The following ZNF429 variants were observed in gnomAD, a reference collection of about 807,000 sequenced individuals.
ZNF429 encodes zinc finger protein 429.
A neutral mutation model predicts 56.8 loss-of-function variants in ZNF429; 53 were observed. That is an observed-to-expected ratio of 0.93 (90% CI 0.75 to 1.17). The LOEUF (loss-of-function observed/expected upper bound fraction) is 1.17, where lower values mean the gene tolerates loss of function less well. ZNF429 is among the 50% of genes most tolerant of loss of function. The pLI, the probability that ZNF429 is intolerant of heterozygous loss-of-function variation, is 0.00. For missense variants in ZNF429, 849 were observed against 788.4 expected, an observed-to-expected ratio of 1.08 and a Z score of -0.92; for synonymous variants, 278 against 264.7, an observed-to-expected ratio of 1.05 and a Z score of -0.49.
chr19:21,524,466 T>C (rs977913272), intron 1 of ZNF429, among the ~76,000 whole-genome samples: 1 of 151,650 alleles, frequency 6.6e-6, no homozygotes, highest in Non-Finnish European at 1.5e-5. Flanking sequence ...AGGCGGAGGT[T>C]ACAGTGAGCT....
chr19:21,523,203 T>C (rs573452606), intron 1 of ZNF429, among the ~76,000 whole-genome samples: 1 of 152,314 alleles, frequency 6.6e-6, no homozygotes, highest in South Asian at 2.1e-4. Context: ...AGGTAACATC[T>C]GCTACTGCTA....
At chr19:21,530,004 A>AAC in intron 2 of ZNF429, among the ~76,000 whole-genome samples, 1 of 152,088 alleles carries the variant, frequency 6.6e-6, no homozygotes, top group Non-Finnish European at 1.5e-5. Context: ...ATCCTGGCTA[A>AAC]CACGGTGAAA....
Position 21,535,412 on chromosome 19 carries a change from TTTTCTTTC to T in ZNF429, c.227-789_227-782del. On this transcript the variant is annotated intron_variant, in intron 3 of 3. Coordinates refer to ENST00000358491, the MANE Select transcript of ZNF429 (RefSeq NM_001001415.4). ...TTCTTTCTTTCTTTCTTTCTTTTTC[TTTTCTTTC>T]TTTCTTTCTTTCTTTCTTTCTTTCT... 7.5e-3 allele frequency among the ~76,000 whole-genome samples: 413 copies of T among 55,266 alleles called. 11 individuals carry two copies. Among genetic ancestry groups the T allele is most frequent in the East Asian group, 0.028 (61 of 2,184 alleles). The allele number at this position is 55,266 out of a possible 152,430, so 36.3% of individuals were successfully genotyped here.
intron 3 of ZNF429, among the ~76,000 whole-genome samples, chr19:21,532,108 A>G: frequency 6.6e-6 from 1 of 152,284 alleles, no homozygotes; most frequent in Non-Finnish European, 1.5e-5. Context: ...AATTAAAAAT[A>G]TATCAATGAA....
rs1247033485 is a variant in ZNF429 at position 21,537,796 on chromosome 19, T to C, written c.1743T>C (p.Ser581=). 2.5e-6 allele frequency: 4 copies of C among 1,611,492 alleles called. No homozygotes were observed. Among genetic ancestry groups the C allele is most frequent in the Non-Finnish European group, 3.4e-6 (4 of 1,179,658 alleles). Residue 581 remains serine (S), a synonymous_variant, in exon 4 of 4, where the codon AGT becomes AGC. Coordinates refer to ENST00000358491, the MANE Select transcript of ZNF429 (RefSeq NM_001001415.4). Reference sequence around the variant, plus strand: ...CTTTTACCCACTCCTCAAACCTTAGTAGTCATAAGAAAATTCATAGTGGAG... The same window carrying C: ...CTTTTACCCACTCCTCAAACCTTAGCAGTCATAAGAAAATTCATAGTGGAG... ...DKAFTHSSNL[S]SHKKIHSGEK...
chr19:21,512,704 CTGTT>C (rs938930231), intron 1 of ZNF429, among the ~76,000 whole-genome samples: 18 of 147,108 alleles, frequency 1.2e-4, no homozygotes, highest in African/African-American at 4.2e-4. Context: ...AATGCCTTAA[CTGTT>C]TGGGAATGCA....
intron 1 of ZNF429, chr19:21,518,494 ATTGT>A: frequency 8.4e-6 from 1 of 119,628 alleles, no homozygotes; most frequent in Middle Eastern, 4.6e-3. Context: ...TCAGATGAAG[ATTGT>A]TTAATTTTCA....
At position 21,536,965 on chromosome 19, in the gene ZNF429, G is replaced by A; in HGVS notation, c.912G>A (p.Lys304=). ...FSISSTFTKH[K]IIHTEEKPYK... Reference sequence around the variant, plus strand: ...TATCCTCAACCTTTACTAAACATAAGATAATTCATACTGAAGAGAAACCCT... The same window carrying A: ...TATCCTCAACCTTTACTAAACATAAAATAATTCATACTGAAGAGAAACCCT... Residue 304 remains lysine (K), a synonymous_variant, in exon 4 of 4, where the codon AAG becomes AAA. Coordinates refer to ENST00000358491, the MANE Select transcript of ZNF429 (RefSeq NM_001001415.4). 1.2e-6 allele frequency: 2 copies of A among 1,613,588 alleles called. No homozygotes were observed. Among genetic ancestry groups the A allele is most frequent in the Non-Finnish European group, 8.5e-7 (1 of 1,179,870 alleles).
In ZNF429 at chr19:21,512,214, G is replaced by C. The variant is rs190493132; in HGVS notation, c.3+6440G>C. On this transcript the variant is annotated intron_variant, in intron 1 of 3. Coordinates refer to ENST00000358491, the MANE Select transcript of ZNF429 (RefSeq NM_001001415.4). ...GATATTGCATTGGCATTTGTAAACT[G>C]TTATGGCACTGATGGGAGTGTGGCA... 2.5e-3 allele frequency among the ~76,000 whole-genome samples: 386 copies of C among 152,250 alleles called. 6 individuals are homozygous for C. The highest frequency in any genetic ancestry group is 0.022 in the Admixed American group (344 of 15,296).
rs746728924 is a variant in ZNF429, at chr19:21,537,776, AC to A, written c.1726del (p.His576ThrfsTer108). 3.1e-6 allele frequency: 5 copies of A among 1,613,886 alleles called. No individual in the cohort carries two copies. Among genetic ancestry groups the A allele is most frequent in the Non-Finnish European group, 4.2e-6 (5 of 1,179,996 alleles). On this transcript the variant is annotated frameshift_variant, in exon 4 of 4. Transcript: ENST00000358491. LOFTEE classifies it high-confidence loss of function. ...YKCKQCDKAF[T>X]HSSNLSSHKK... ...ATGTAAACAATGTGACAAAGCTTTT[AC>A]CCACTCCTCAAACCTTAGTAGTCAT...
At position 21,525,935 on chromosome 19, in the gene ZNF429, G is replaced by A. The variant is rs1302085668; in HGVS notation, c.4-3723G>A. The stretch of plus-strand genomic sequence containing the variant: ...ATTAAACACTTAGTACCAACTCCCA[G>A]GGTGTTATGAGGATGAAATCACACA... On this transcript the variant is annotated intron_variant, in intron 1 of 3. Transcript: ENST00000358491. Among the ~76,000 whole-genome samples, 5 of 152,420 alleles carry A rather than the reference G, an allele frequency of 3.3e-5. No individual in the cohort carries two copies. In the East Asian group the frequency reaches 9.6e-4, roughly 29 times the overall value.
chr19:21,535,629 C>G, intron 3 of ZNF429, among the ~76,000 whole-genome samples: 3 of 151,498 alleles, frequency 2.0e-5, no homozygotes, highest in Non-Finnish European at 4.4e-5. Flanking sequence ...ATTCTCCTGC[C>G]TCAGCCTTCT....
At chr19:21,536,078 T>C in intron 3 of ZNF429, among the ~76,000 whole-genome samples, 1 of 152,322 alleles carries the variant, frequency 6.6e-6, no homozygotes, top group Non-Finnish European at 1.5e-5. Flanking sequence ...TGTACACATA[T>C]AACTTATTGA....
intron 1 of ZNF429, among the ~76,000 whole-genome samples, chr19:21,528,143 A>T (rs1010119376): frequency 8.1e-4 from 123 of 152,314 alleles, no homozygotes; most frequent in African/African-American, 2.9e-3. Flanking sequence ...AATATTAAAA[A>T]TGTTCTCTTG....
Position 21,536,515 on chromosome 19 carries a change from T to C in ZNF429, c.462T>C (p.Phe154=), listed in dbSNP as rs1034986417. ...MYHCDIYVKV[F]YAFSNADRYK... ...ACTGTGATATATATGTAAAAGTCTT[T>C]TATGCATTTTCAAATGCAGATAGAT... Residue 154 remains phenylalanine, a synonymous_variant, in exon 4 of 4, where the codon TTT becomes TTC. Transcript: ENST00000358491. 13 of 1,612,696 alleles carry C rather than the reference T, an allele frequency of 8.1e-6. No homozygotes were observed. The highest frequency in any genetic ancestry group is 2.2e-5 in the South Asian group (2 of 90,950).
At chr19:21,533,237 C>T in intron 3 of ZNF429, among the ~76,000 whole-genome samples, 1 of 151,792 alleles carries the variant, frequency 6.6e-6, no homozygotes, top group African/African-American at 2.4e-5. Context: ...TGCTTTTTTT[C>T]CAGTTGTGCG....
chr19:21,537,057 A>C lies in ZNF429; in HGVS notation c.1004A>C (p.His335Pro), dbSNP rs779305141. 1.4e-5 allele frequency: 23 copies of C among 1,613,914 alleles called. No individual in the cohort carries two copies. The highest frequency in any genetic ancestry group is 1.7e-5 in the Non-Finnish European group (20 of 1,179,952). ...ACCCTTACTAGCCATAAGAGAATAC[A>C]TACTGGTGAGAAACCCTACAAATGT... Reference protein sequence around the residue: ...SSTLTSHKRIHTGEKPYKCEE... With the variant: ...SSTLTSHKRIPTGEKPYKCEE... Residue 335 changes from histidine (H) to proline (P), a missense_variant, in exon 4 of 4, where the codon CAT becomes CCT. By Grantham distance (77) the His-to-Pro change is moderately conservative. Coordinates refer to ENST00000358491, the MANE Select transcript of ZNF429 (RefSeq NM_001001415.4).
chr19:21,530,428 T>A, intron 2 of ZNF429, among the ~76,000 whole-genome samples, 161 bp from the exon 3 acceptor site: 1 of 152,156 alleles, frequency 6.6e-6, no homozygotes, highest in Admixed American at 6.5e-5. Context: ...AACCTAAAAA[T>A]TTTAAATATT....
In ZNF429 at chr19:21,537,297, A is replaced by G; in HGVS notation, c.1244A>G (p.Asp415Gly). The G allele has an allele frequency of 1.2e-6, 2 of 1,614,134 alleles. No individual in the cohort carries two copies. Among genetic ancestry groups the G allele is most frequent in the Non-Finnish European group, 1.7e-6 (2 of 1,180,004 alleles). Residue 415 changes from aspartate (D) to glycine (G), a missense_variant, in exon 4 of 4, where the codon GAC becomes GGC. By Grantham distance (94) the Asp-to-Gly change is moderately conservative. Coordinates refer to ENST00000358491, the MANE Select transcript of ZNF429 (RefSeq NM_001001415.4). ...ACCTGTTCCTCAACACTTACTCAAG[A>G]CAAGAAAATTCATACTGGAGAGAAA... ...VFTCSSTLTQDKKIHTGEKPY... is the reference protein window; with the variant it reads ...VFTCSSTLTQGKKIHTGEKPY...
Sources: gnomAD v4.1 joint callset for allele counts (sites outside exome capture counted in the v4.1 genomes callset) on GRCh38, gnomAD v4.1.1 for gene constraint, MANE v1.5 for transcripts, NCBI Gene and HGNC (gene_info 2026-07-23, HGNC 2026-07-21) for gene names.